Variants in KIF24 observed in about 807,000 individuals in gnomAD.
KIF24 encodes the protein kinesin-like protein KIF24.
KIF24 carries 81 observed loss-of-function variants against 118.9 expected under a neutral mutation model. The ratio of observed to expected loss-of-function variants is 0.68; its 90% CI spans 0.57 to 0.82. The LOEUF (loss-of-function observed/expected upper bound fraction) is 0.82. Ranked by LOEUF, KIF24 falls within the 40% of genes least tolerant of loss-of-function variation. KIF24 has a pLI of 0.00. For missense variants in KIF24, 1,560 were observed against 1,661.6 expected, an observed-to-expected ratio of 0.94 and a Z score of 1.06; for synonymous variants, 599 against 610.0, an observed-to-expected ratio of 0.98 and a Z score of 0.27.
chr9:34,319,662 A>G (rs1368506600), intron 1 of KIF24: 1 of 807,326 alleles, frequency 1.2e-6, no homozygotes, highest in Admixed American at 1.8e-5. Context: ...TTAGGGCCTC[A>G]GGGTGCACAC....
chr9:34,318,557 T>A lies in KIF24; in HGVS notation c.-25-7186A>T. On this transcript the variant is annotated intron_variant, in intron 1 of 12. Transcript: ENST00000402558. The surrounding 1 kb of genome is among the most constrained non-coding windows in gnomAD (Gnocchi z 4.9). ...GGCCGAACACAGCGCCGGCCTGGCC[T>A]TCAGCCTGTACCAGGCCATGGCCAA... 8.5e-7 allele frequency: 1 copy of A among 1,173,718 alleles called. No homozygotes were observed. The highest frequency in any genetic ancestry group is 1.3e-6 in the Non-Finnish European group (1 of 799,580). 72.7% of individuals were successfully genotyped at this position (1,173,718 alleles called of 1,614,324 possible).
intron 1 of KIF24, among the ~76,000 whole-genome samples, chr9:34,315,872 C>T (rs990838612): frequency 8.6e-5 from 13 of 151,434 alleles, no homozygotes; most frequent in Admixed American, 2.6e-4. Flanking sequence ...CTACTAAAAA[C>T]GCAAAAAGTA....
At chr9:34,305,900 C>T (rs1355312527) in intron 3 of KIF24, among the ~76,000 whole-genome samples, 2 of 152,364 alleles carry the variant, frequency 1.3e-5, no homozygotes, top group Admixed American at 6.5e-5. Context: ...GCCACCACAC[C>T]TGGCCCCACT....
chr9:34,296,822 A>G (rs2131774208), intron 4 of KIF24, among the ~76,000 whole-genome samples, 195 bp downstream of exon 4: 1 of 152,246 alleles, frequency 6.6e-6, no homozygotes, highest in Middle Eastern at 3.4e-3. Context: ...AGGAAATTTT[A>G]CTGCAAATTT....
chr9:34,309,083 C>T (rs1837040521), intron 2 of KIF24, among the ~76,000 whole-genome samples: 1 of 122,090 alleles, frequency 8.2e-6, no homozygotes, highest in Non-Finnish European at 1.8e-5. Flanking sequence ...CCTGTCTCTA[C>T]AAATCAAACA....
intron 3 of KIF24, among the ~76,000 whole-genome samples, chr9:34,297,959 A>AC (rs1836549471): frequency 6.6e-6 from 1 of 152,142 alleles, no homozygotes; most frequent in Non-Finnish European, 1.5e-5. Flanking sequence ...GTTAATCTAC[A>AC]CAAGTATGCA....
At chr9:34,299,354 T>G (rs1257692421) in intron 3 of KIF24, among the ~76,000 whole-genome samples, 1 of 151,842 alleles carries the variant, frequency 6.6e-6, no homozygotes, top group African/African-American at 2.4e-5. Context: ...CTGATTTTTG[T>G]AGTTTTAGTA....
At chr9:34,261,499 AT>A (rs1285309399) in intron 9 of KIF24, among the ~76,000 whole-genome samples, 1 of 152,336 alleles carries the variant, frequency 6.6e-6, no homozygotes, top group Non-Finnish European at 1.5e-5. Flanking sequence ...CATTTATGTC[AT>A]TTTTTTGTGT....
At chr9:34,272,369 C>A (rs1370789889) in intron 6 of KIF24, among the ~76,000 whole-genome samples, 2 of 152,190 alleles carry the variant, frequency 1.3e-5, no homozygotes, top group Non-Finnish European at 2.9e-5. Flanking sequence ...TAAAGGAGGG[C>A]AGGCCCGATG....
At chr9:34,297,236 A>G in intron 3 of KIF24, 122 bp from the exon 4 acceptor site, 1 of 580,894 alleles carries the variant, frequency 1.7e-6, no homozygotes, top group Non-Finnish European at 3.1e-6. Flanking sequence ...ACCATATCAA[A>G]CTTAGAGGTA....
chr9:34,324,077 G>A (rs987909318), intron 1 of KIF24, among the ~76,000 whole-genome samples: 2 of 152,144 alleles, frequency 1.3e-5, no homozygotes, highest in Admixed American at 6.6e-5. Flanking sequence ...CCTCATTGCT[G>A]GTGAAATCTC....
chr9:34,286,011 A>G (rs1037303259), intron 6 of KIF24, among the ~76,000 whole-genome samples: 1 of 151,736 alleles, frequency 6.6e-6, no homozygotes, highest in African/African-American at 2.4e-5. Context: ...GCCCACTGCC[A>G]TAGAGAAACA....
chr9:34,275,712 C>A (rs148781118), intron 6 of KIF24, among the ~76,000 whole-genome samples: 6 of 151,858 alleles, frequency 4.0e-5, no homozygotes, highest in Non-Finnish European at 7.4e-5. Flanking sequence ...TGGTGATGCA[C>A]GCCTGTAGTC....
At chr9:34,262,778 T>C (rs1219493871) in intron 9 of KIF24, among the ~76,000 whole-genome samples, 4 of 141,662 alleles carry the variant, frequency 2.8e-5, no homozygotes, top group Non-Finnish European at 4.5e-5. Context: ...GGAGGATTGC[T>C]TGAGCCTGGG....
chr9:34,290,597 C>T (rs572437805), intron 4 of KIF24, among the ~76,000 whole-genome samples: 95 of 137,682 alleles, frequency 6.9e-4, no homozygotes, highest in African/African-American at 2.3e-3. Context: ...ACAAGTTTTC[C>T]TTTTTTTTTT....
chr9:34,293,404 C>T (rs193101039), intron 4 of KIF24, among the ~76,000 whole-genome samples: 17 of 146,256 alleles, frequency 1.2e-4, no homozygotes, highest in Admixed American at 8.5e-4. Context: ...AGCCTGAGCC[C>T]GGGAGGCGGA....
chr9:34,308,450 A>G lies in KIF24; in HGVS notation c.624-2009T>C, dbSNP rs77975051. Among the ~76,000 whole-genome samples, 287 of 151,930 alleles carry G rather than the reference A, an allele frequency of 1.9e-3. 7 individuals carry two copies. In the East Asian group the frequency reaches 0.052, roughly 28 times the overall value. ...AGGCACCTGCCATGACGCTCTGCTA[A>G]TTTTTGTATTTTTAGTAGAGATGGG... On this transcript the variant is annotated intron_variant, in intron 2 of 12. Coordinates refer to ENST00000402558, the MANE Select transcript of KIF24 (RefSeq NM_194313.4).
chr9:34,295,106 A>G (rs1836411991), intron 4 of KIF24, among the ~76,000 whole-genome samples: 1 of 151,486 alleles, frequency 6.6e-6, no homozygotes, highest in African/African-American at 2.4e-5. Flanking sequence ...ATACATGCCT[A>G]CAATTTTAAT....
chr9:34,271,781 A>C, intron 7 of KIF24, 28 bp downstream of exon 7: 1 of 1,611,294 alleles, frequency 6.2e-7, no homozygotes, highest in African/African-American at 1.3e-5. Context: ...AAGGCAGACA[A>C]TGTAACTCCC....
Sources: gnomAD v4.1 joint callset for allele counts (sites outside exome capture counted in the v4.1 genomes callset) on GRCh38, gnomAD v4.1.1 for gene constraint, Gnocchi (gnomAD v3.1) non-coding constraint, MANE v1.5 for transcripts, NCBI Gene and HGNC (gene_info 2026-07-23, HGNC 2026-07-21) for gene names.